The following ZNF841 variants were observed in gnomAD, a reference collection of about 807,000 sequenced individuals.
The protein encoded by ZNF841 is zinc finger protein 841, also known as TCONS_00006091.
ZNF841 carries 11 observed loss-of-function variants against 13.0 expected under a neutral mutation model. That is an observed-to-expected ratio of 0.85 (90% CI 0.53 to 1.40). The LOEUF is 1.40. Ranked by LOEUF, ZNF841 falls within the 40% of genes most tolerant of loss-of-function variation. The probability of loss-of-function intolerance (pLI) is 0.00; values close to 1 mark genes in which losing one functional copy is unlikely to be tolerated. For missense variants in ZNF841, 1,068 were observed against 1,139.5 expected (o/e 0.94, Z 0.90); for synonymous variants, 369 against 381.6 (o/e 0.97, Z 0.38).
downstream of ZNF841, among the ~76,000 whole-genome samples, chr19:52,060,329 C>T (rs577701457): frequency 1.2e-4 from 19 of 152,258 alleles, no homozygotes; most frequent in Non-Finnish European, 2.5e-4. Flanking sequence ...ATCTTCCTCT[C>T]TCCATCTTTT....
intron 6 of ZNF841, among the ~76,000 whole-genome samples, 172 bp from the exon 7 acceptor site, chr19:52,067,782 A>C (rs1261037764): frequency 6.6e-6 from 1 of 152,180 alleles, no homozygotes; most frequent in Non-Finnish European, 1.5e-5. Flanking sequence ...TATAGTAAAG[A>C]AAAAGTGATT....
downstream of ZNF841, among the ~76,000 whole-genome samples, chr19:52,061,957 C>A (rs1054247249): frequency 2.0e-5 from 3 of 152,128 alleles, no homozygotes; most frequent in African/African-American, 7.2e-5. Flanking sequence ...ACACTGGGGA[C>A]CCTACTAAGT....
At position 52,065,554 on chromosome 19, in the gene ZNF841, A is replaced by G. The variant is rs756406976; in HGVS notation, c.2328T>C (p.Tyr776=). Reference sequence around the variant, plus strand: ...TCCAATGACGTGCGAGGCCTGAGCGATAACGGAAGACCTTGCCACATTCAT... The same window carrying G: ...TCCAATGACGTGCGAGGCCTGAGCGGTAACGGAAGACCTTGCCACATTCAT... The part of the protein sequence containing the change: ...KCNECGKVFR[Y]RSGLARHWSI... The change falls in exon 7 of 7, where the codon TAT becomes TAC. Residue 776 remains tyrosine (Y), a synonymous_variant. Transcript: ENST00000594440. 16 of 1,613,584 alleles carry G rather than the reference A, an allele frequency of 9.9e-6. No individual in the cohort carries two copies. The East Asian group carries it at 1.3e-4, about 14-fold the overall frequency.
At chr19:52,058,668 T>C in the ZNF841 span, 1 of 152,940 alleles carries the variant, frequency 6.5e-6, no homozygotes, top group South Asian at 2.1e-4. Context: ...AGACAAATTG[T>C]CTACAATATT....
At chr19:52,064,376 A>AAAC (rs2087468808), downstream of ZNF841, 1 of 145,534 alleles carries the variant, frequency 6.9e-6, no homozygotes, top group Admixed American at 6.8e-5. Context: ...AAAAAAAAAA[A>AAAC]AAAAAAAAAA....
intron 4 of ZNF841, among the ~76,000 whole-genome samples, chr19:52,081,207 A>C (rs2088087678): frequency 6.6e-6 from 1 of 152,230 alleles, no homozygotes; most frequent in Non-Finnish European, 1.5e-5. Flanking sequence ...TCTCTACATT[A>C]CTTATAATAG....
In ZNF841 at chr19:52,065,132, A is replaced by G. The variant is rs768365507; in HGVS notation, c.2750T>C (p.Val917Ala). The G allele has an allele frequency of 1.9e-6, 3 of 1,546,920 alleles. No homozygotes were observed. Among genetic ancestry groups the G allele is most frequent in the Admixed American group, 2.0e-5 (1 of 49,384 alleles). ...KLNVERPLDV[V>A]LTSGIPK The stretch of plus-strand genomic sequence containing the variant: ...TTATTTGGGGATCCCAGAGGTTAGG[A>G]CAACATCTAACGGCCTTTCCACATT... Residue 917 changes from valine to alanine, a missense_variant, in exon 7 of 7, where the codon GTC (valine) becomes GCC (alanine). By Grantham distance (64) the Val-to-Ala change is moderately conservative (BLOSUM62 0). Transcript: ENST00000594440.
In ZNF841 at chr19:52,067,325, A is replaced by C; in HGVS notation, c.557T>G (p.Leu186Ter). Residue 186 changes from leucine (L) to a stop codon, truncating the protein, a stop_gained, in exon 7 of 7, where the codon TTA becomes TGA. Coordinates refer to ENST00000594440, the MANE Select transcript of ZNF841 (RefSeq NM_001136499.2). LOFTEE classifies it low-confidence loss of function (END_TRUNC). Reference protein sequence around the residue: ...ENKHMENQLILRFQSGLGELQ... With the variant: ...ENKHMENQLI ...TTCACCCAGACCGGACTGAAACCTTAATATAAGCTGATTTTCCATATGCTT... is the reference window on the plus strand; with the variant it reads ...TTCACCCAGACCGGACTGAAACCTTCATATAAGCTGATTTTCCATATGCTT... 3 of 1,551,224 alleles carry C rather than the reference A, an allele frequency of 1.9e-6. No individual in the cohort carries two copies. Among genetic ancestry groups the C allele is most frequent in the Non-Finnish European group, 2.6e-6 (3 of 1,146,860 alleles).
At chr19:52,068,007 C>G (rs1171409607) in intron 6 of ZNF841, among the ~76,000 whole-genome samples, 2 of 152,000 alleles carry the variant, frequency 1.3e-5, no homozygotes, top group East Asian at 1.9e-4. Context: ...TGCCAAGCAA[C>G]AGCAAGATAT....
At chr19:52,090,654 G>GGAAGGAAAGAAAGAAAGAAAGAAAGAAA (rs1183196348) in intron 2 of ZNF841, among the ~76,000 whole-genome samples, 11 of 84,650 alleles carry the variant, frequency 1.3e-4, no homozygotes, top group African/African-American at 4.2e-4. Flanking sequence ...AAGGAAGGAA[G>GGAAGGAAAGAAAGAAAGAAAGAAAGAAA]GAAAGAAAGA....
intron 4 of ZNF841, among the ~76,000 whole-genome samples, chr19:52,081,476 G>C (rs549040052): frequency 6.6e-6 from 1 of 152,258 alleles, no homozygotes; most frequent in African/African-American, 2.4e-5. Context: ...ACACAGACAA[G>C]CTCACGAAAT....
At chr19:52,072,427 GA>G (rs916452983) in intron 6 of ZNF841, among the ~76,000 whole-genome samples, 19 of 151,844 alleles carry the variant, frequency 1.3e-4, no homozygotes, top group Admixed American at 9.2e-4. Context: ...TATCGGAAAA[GA>G]AAAAAAATTT....
downstream of ZNF841, among the ~76,000 whole-genome samples, chr19:52,061,360 T>C (rs1385002854): frequency 6.6e-6 from 1 of 152,206 alleles, no homozygotes. Flanking sequence ...GTAGCCTTAA[T>C]TATGACACCA....
chr19:52,071,789 CA>C (rs1047588516), intron 6 of ZNF841, among the ~76,000 whole-genome samples: 1 of 151,330 alleles, frequency 6.6e-6, no homozygotes, highest in African/African-American at 2.4e-5. Context: ...ACAAACAGAA[CA>C]AAAAAATCTA....
chr19:52,089,629 C>T (rs1022351666), intron 2 of ZNF841, among the ~76,000 whole-genome samples: 5 of 151,966 alleles, frequency 3.3e-5, no homozygotes, highest in South Asian at 2.1e-4. Flanking sequence ...CCTGAGCAAC[C>T]GAGCAAAAAA....
intron 3 of ZNF841, among the ~76,000 whole-genome samples, chr19:52,085,926 T>C (rs1248000488): frequency 6.6e-6 from 1 of 152,264 alleles, no homozygotes. Context: ...AGCACTTCTT[T>C]TTAATGTCAT....
At chr19:52,088,283 A>C (rs59935130) in intron 3 of ZNF841, among the ~76,000 whole-genome samples, 32,071 of 152,066 alleles carry the variant, frequency 0.21, 4,718 homozygotes, top group African/African-American at 0.41. Context: ...TGACGATAGA[A>C]CAATATGAGT....
chr19:52,083,009 G>A (rs1044235456), intron 4 of ZNF841, among the ~76,000 whole-genome samples: 8 of 151,834 alleles, frequency 5.3e-5, no homozygotes, highest in Non-Finnish European at 1.0e-4. Flanking sequence ...GAACCCGGGA[G>A]GCGGAGTTTG....
In ZNF841 at chr19:52,066,420, T is replaced by C. The variant is rs368338342; in HGVS notation, c.1462A>G (p.Asn488Asp). ...IHTGEKPYKCNECGKVFSQHS... is the reference protein window; with the variant it reads ...IHTGEKPYKCDECGKVFSQHS... The stretch of plus-strand genomic sequence containing the variant: ...TGACTGAAGACCTTGCCACATTCAT[T>C]ACATTTGTAGGGTTTCTCTCCAGTA... The change falls in exon 7 of 7, where the codon AAT becomes GAT. Residue 488 changes from asparagine to aspartate, a missense_variant. Coordinates refer to ENST00000594440, the MANE Select transcript of ZNF841 (RefSeq NM_001136499.2). 21 of 1,613,984 alleles carry C rather than the reference T, an allele frequency of 1.3e-5. No individual in the cohort carries two copies. The African/African-American group carries it at 1.7e-4, about 13-fold the overall frequency.
Sources: allele counts gnomAD v4.1 joint callset (sites outside exome capture counted in the v4.1 genomes callset), GRCh38; gene constraint gnomAD v4.1.1; transcripts MANE v1.5; gene names NCBI Gene and HGNC (gene_info 2026-07-23, HGNC 2026-07-21).